The following RPRD2 variants were observed in gnomAD, a reference collection of about 807,000 sequenced individuals.
RPRD2 encodes regulation of nuclear pre-mRNA domain containing 2, also known as regulation of nuclear pre-mRNA domain-containing protein 2.
In RPRD2, 12 loss-of-function variants were observed where a neutral mutation model predicts 104.4. The observed-to-expected ratio is 0.11, with a 90% CI of 0.07 to 0.19. The LOEUF (loss-of-function observed/expected upper bound fraction) is 0.19. RPRD2 is among the 10% of genes least tolerant of loss of function. The pLI is 1.00. For synonymous variants in RPRD2, 714 were observed against 684.9 expected (o/e 1.04, Z -0.66); for missense variants, 1,543 against 1,790.1 (o/e 0.86, Z 2.49).
At chr1:150,378,979 T>TAAAAA (rs782457070) in intron 1 of RPRD2, among the ~76,000 whole-genome samples, 1 of 84,050 alleles carries the variant, frequency 1.2e-5, no homozygotes, top group East Asian at 3.9e-4. Context: ...GAGACTTCAT[T>TAAAAA]AAAAAAAAAA....
chr1:150,411,805 A>C (rs1401714503), intron 1 of RPRD2, among the ~76,000 whole-genome samples: 1 of 143,500 alleles, frequency 7.0e-6, no homozygotes, highest in Non-Finnish European at 1.5e-5. Flanking sequence ...AAAAAAAAAA[A>C]AAAAAAAAAA....
chr1:150,468,134 T>C (rs1668394002), intron 10 of RPRD2, among the ~76,000 whole-genome samples: 1 of 152,052 alleles, frequency 6.6e-6, no homozygotes, highest in Non-Finnish European at 1.5e-5. Context: ...AGCAAAACTC[T>C]GTCTCAAAAA....
intron 1 of RPRD2, among the ~76,000 whole-genome samples, chr1:150,377,515 G>A (rs1660802978): frequency 6.6e-6 from 1 of 151,428 alleles, no homozygotes; most frequent in African/African-American, 2.4e-5. Context: ...GGAGGATGGT[G>A]TGAACCTGGG....
chr1:150,405,738 A>C (rs1176174438), intron 1 of RPRD2, among the ~76,000 whole-genome samples: 3 of 152,172 alleles, frequency 2.0e-5, no homozygotes, highest in African/African-American at 7.2e-5. Flanking sequence ...AACAGTTCAT[A>C]AGTTTTAAAT....
intron 2 of RPRD2, among the ~76,000 whole-genome samples, chr1:150,431,366 T>C (rs1665556343): frequency 1.3e-5 from 2 of 152,002 alleles, no homozygotes. Flanking sequence ...GCAGCATTAT[T>C]CACAGTAGTC....
chr1:150,377,220 GAAAA>G (rs1660768338), intron 1 of RPRD2, among the ~76,000 whole-genome samples: 1 of 151,320 alleles, frequency 6.6e-6, no homozygotes, highest in East Asian at 2.0e-4. Flanking sequence ...GAAAAAAAAA[GAAAA>G]AAAGAAAGGA....
intron 1 of RPRD2, among the ~76,000 whole-genome samples, chr1:150,384,203 T>G (rs1553881324): frequency 6.6e-6 from 1 of 152,082 alleles, no homozygotes; most frequent in Non-Finnish European, 1.5e-5. Context: ...TGGGGAAAAC[T>G]TTGGTAATGT....
Position 150,473,453 on chromosome 1 carries a change from G to T in RPRD2, c.*119G>T. On this transcript the variant is annotated 3_prime_UTR_variant, in exon 11 of 11. Transcript: ENST00000369068. ...TCGATTTTTTTTTTATTATAACAAA[G>T]GGCCTCTCTTCCAAAGTAAGAAATC... 1 of 946,718 alleles carries T rather than the reference G, an allele frequency of 1.1e-6. No individual in the cohort carries two copies. The highest frequency in any genetic ancestry group is 2.6e-5 in the East Asian group (1 of 38,702). The allele number at this position is 946,718 out of a possible 1,614,324, so 58.6% of individuals were successfully genotyped here.
intron 1 of RPRD2, among the ~76,000 whole-genome samples, chr1:150,395,700 G>T (rs1191529093): frequency 6.6e-6 from 1 of 151,844 alleles, no homozygotes. Flanking sequence ...TAGTAGAGAC[G>T]GGGTTTCACC....
At chr1:150,397,698 T>A (rs915920077) in intron 1 of RPRD2, among the ~76,000 whole-genome samples, 4 of 152,226 alleles carry the variant, frequency 2.6e-5, no homozygotes, top group Non-Finnish European at 5.9e-5. Context: ...GAAGGACATT[T>A]GGGTTGTTTT....
At chr1:150,460,819 C>T (rs1316954783) in intron 9 of RPRD2, among the ~76,000 whole-genome samples, 1 of 151,412 alleles carries the variant, frequency 6.6e-6, no homozygotes, top group Non-Finnish European at 1.5e-5. Context: ...GCCTCCATCT[C>T]CCAGGTTCAA....
chr1:150,464,910 GC>G (rs1668168090), intron 10 of RPRD2, among the ~76,000 whole-genome samples, 183 bp downstream of exon 10: 1 of 151,674 alleles, frequency 6.6e-6, no homozygotes, highest in Admixed American at 6.6e-5. Flanking sequence ...TCACTCTGTT[GC>G]CTAGTTGGTG....
At chr1:150,432,925 C>T (rs587609205) in intron 2 of RPRD2, among the ~76,000 whole-genome samples, 36 of 151,960 alleles carry the variant, frequency 2.4e-4, no homozygotes, top group Non-Finnish European at 3.5e-4. Context: ...TGCAGTGAGC[C>T]GAGATTGCAC....
chr1:150,470,973 C>T lies in RPRD2; in HGVS notation c.2025C>T (p.Phe675=), dbSNP rs1668551354. The change falls in exon 11 of 11, where the codon TTC becomes TTT. Residue 675 remains phenylalanine (F), a synonymous_variant. Transcript: ENST00000369068. The part of the protein sequence containing the change: ...SPSLEMKIHN[F]LKGNPGFSGL... ...GCCTGGAAATGAAGATTCACAACTT[C>T]TTAAAAGGTAATCCTGGTTTCAGTG... The T allele has an allele frequency of 1.2e-6, 2 of 1,614,052 alleles. No individual in the cohort carries two copies. Among genetic ancestry groups the T allele is most frequent in the East Asian group, 2.2e-5 (1 of 44,892 alleles).
chr1:150,369,789 GT>G (rs1309655909), intron 1 of RPRD2, among the ~76,000 whole-genome samples: 6 of 133,038 alleles, frequency 4.5e-5, no homozygotes, highest in Admixed American at 1.5e-4. Context: ...TTTTGTTTTT[GT>G]TTTTTTTTGA....
At chr1:150,435,905 A>T (rs1205363050) in intron 2 of RPRD2, among the ~76,000 whole-genome samples, 2 of 152,242 alleles carry the variant, frequency 1.3e-5, no homozygotes, top group African/African-American at 4.8e-5. Flanking sequence ...TTCAAAGCAC[A>T]GGCTGACTCT....
At chr1:150,422,386 A>AAATG (rs71706469) in intron 2 of RPRD2, among the ~76,000 whole-genome samples, 5 of 25,340 alleles carry the variant, frequency 2.0e-4, no homozygotes, top group African/African-American at 3.9e-4. Context: ...TTAAAATAAA[A>AAATG]AAATAAAACT....
intron 1 of RPRD2, among the ~76,000 whole-genome samples, chr1:150,369,489 C>T (rs1660117501): frequency 9.2e-6 from 1 of 109,112 alleles, no homozygotes; most frequent in Non-Finnish European, 1.7e-5. Flanking sequence ...CGGAGTCTTG[C>T]TCTGTCGCCC....
intron 7 of RPRD2, among the ~76,000 whole-genome samples, chr1:150,455,806 C>A (rs1012147287): frequency 3.3e-5 from 5 of 151,994 alleles, no homozygotes; most frequent in Admixed American, 6.6e-5. Flanking sequence ...CCTAAAACTT[C>A]TTTTACAACA....
Sources: allele counts gnomAD v4.1 joint callset (sites outside exome capture counted in the v4.1 genomes callset), GRCh38; gene constraint gnomAD v4.1.1; transcripts MANE v1.5; gene names NCBI Gene and HGNC (gene_info 2026-07-23, HGNC 2026-07-21).